HERC4: variants seen among roughly 807,000 people sequenced by gnomAD.
HERC4 encodes the protein HECT and RLD domain containing E3 ubiquitin protein ligase 4, also known as probable E3 ubiquitin-protein ligase HERC4.
In HERC4, 28 loss-of-function variants were observed where a neutral mutation model predicts 124.3. The ratio of observed to expected loss-of-function variants is 0.23; its 90% CI spans 0.17 to 0.31. The LOEUF (loss-of-function observed/expected upper bound fraction) is 0.31. Ranked by LOEUF, HERC4 falls within the 10% of genes least tolerant of loss-of-function variation. HERC4 has a pLI of 1.00. For synonymous variants in HERC4, 407 were observed against 421.5 expected, an observed-to-expected ratio of 0.97 and a Z score of 0.42; for missense variants, 713 against 1,229.3, an observed-to-expected ratio of 0.58 and a Z score of 6.28.
At chr10:68,026,598 C>T (rs1177970830) in intron 7 of HERC4, among the ~76,000 whole-genome samples, 1 of 151,706 alleles carries the variant, frequency 6.6e-6, no homozygotes, top group Non-Finnish European at 1.5e-5. Flanking sequence ...AATCCCAGCA[C>T]TTTGGGAGGC....
intron 16 of HERC4, among the ~76,000 whole-genome samples, chr10:67,961,640 T>C (rs770613500): frequency 2.6e-5 from 4 of 152,124 alleles, no homozygotes; most frequent in Non-Finnish European, 5.9e-5. Flanking sequence ...AAACTCACAA[T>C]TGGTATCAGA....
intron 8 of HERC4, among the ~76,000 whole-genome samples, chr10:68,015,880 A>G (rs950006726): frequency 6.6e-6 from 1 of 152,176 alleles, no homozygotes; most frequent in Admixed American, 6.5e-5. Flanking sequence ...AGGCAGGTGG[A>G]TCACTTGAGG....
At position 67,922,810 on chromosome 10, in the gene HERC4, T is replaced by C. The variant is rs117191521; in HGVS notation, c.*121A>G. The C allele has an allele frequency of 7.9e-3, 5,669 of 717,858 alleles. 36 individuals are homozygous for C. The highest frequency in any genetic ancestry group is 0.01 in the Non-Finnish European group (4,462 of 425,628). 44.5% of individuals were successfully genotyped at this position (717,858 alleles called of 1,614,324 possible). A position where few individuals can be genotyped will look rare whatever the true frequency, so the allele number is the denominator to read the frequency against. On this transcript the variant is annotated 3_prime_UTR_variant, in exon 25 of 25. Coordinates refer to ENST00000373700, the MANE Select transcript of HERC4 (RefSeq NM_015601.4). ...TTGGCTTCCATGAACACTCGTAGAT[T>C]GAACATTCTGCAAGTAAGAATTATA... is the stretch of plus-strand genomic sequence containing the variant.
Position 68,034,096 on chromosome 10 carries a change from T to C in HERC4, c.554A>G (p.Lys185Arg). Residue 185 changes from lysine to arginine, a missense_variant, in exon 6 of 25, where the codon AAG (lysine) becomes AGG (arginine). Lys to Arg is a conservative substitution (Grantham distance 26, BLOSUM62 2). Transcript: ENST00000373700. ...CATGAAAGGGATTCCAAGCAAAGAC[T>C]TAAGCAGCTGCGGTGAAGTTTGCTT... ...CKKQTSPQLLKSLLGIPFMQV... is the reference protein window; with the variant it reads ...CKKQTSPQLLRSLLGIPFMQV... 1.2e-6 allele frequency: 2 copies of C among 1,614,122 alleles called. No individual in the cohort carries two copies. The highest frequency in any genetic ancestry group is 1.7e-6 in the Non-Finnish European group (2 of 1,180,032).
chr10:67,984,621 T>C (rs2036152188), intron 15 of HERC4, among the ~76,000 whole-genome samples: 1 of 152,092 alleles, frequency 6.6e-6, no homozygotes, highest in Admixed American at 6.6e-5. Context: ...CTCACTCTGT[T>C]GCCCAGGCTG....
chr10:68,008,271 C>G (rs184683587), intron 9 of HERC4, among the ~76,000 whole-genome samples: 1 of 152,194 alleles, frequency 6.6e-6, no homozygotes, highest in African/African-American at 2.4e-5. Context: ...CTGGGTCTCA[C>G]CCAAAGCATG....
chr10:67,959,065 A>G (rs746427700), intron 16 of HERC4: 4 of 1,504,120 alleles, frequency 2.7e-6, no homozygotes, highest in Non-Finnish European at 3.6e-6. Flanking sequence ...TCAGGAGAAA[A>G]TGGAGTATAT....
At chr10:67,942,537 G>A (rs2033001649) in intron 19 of HERC4, among the ~76,000 whole-genome samples, 1 of 152,052 alleles carries the variant, frequency 6.6e-6, no homozygotes, top group Non-Finnish European at 1.5e-5. Context: ...TTGAGATGGA[G>A]TTTCACTCTT....
intron 15 of HERC4, among the ~76,000 whole-genome samples, chr10:67,980,588 T>C (rs1048832305): frequency 6.6e-6 from 1 of 152,096 alleles, no homozygotes; most frequent in African/African-American, 2.4e-5. Flanking sequence ...AACTCAATAG[T>C]ATACAGAAAA....
intron 23 of HERC4, 74 bp downstream of exon 23, chr10:67,932,520 AAAT>A (rs1332891989): frequency 7.7e-7 from 1 of 1,292,382 alleles, no homozygotes; most frequent in Non-Finnish European, 1.1e-6. Flanking sequence ...ATAAAATAAA[AAAT>A]AATACATAAA....
At chr10:68,029,842 G>A (rs867175361) in intron 7 of HERC4, among the ~76,000 whole-genome samples, 6 of 150,906 alleles carry the variant, frequency 4.0e-5, no homozygotes, top group Non-Finnish European at 7.4e-5. Context: ...AGGTTCAAGC[G>A]ATTCTCCTGC....
rs779623868 is a variant in HERC4 at position 68,051,691 on chromosome 10, C to CT, written c.227-7129dup. ...ACACTATTCTTTCAACTTTTCTTTT[C>CT]TTTTTTTTTTTTTTTTGAGACAGGA... On this transcript the variant is annotated intron_variant, in intron 3 of 24. Coordinates refer to ENST00000373700, the MANE Select transcript of HERC4 (RefSeq NM_015601.4). Among the ~76,000 whole-genome samples, 480 of 109,620 alleles carry CT rather than the reference C, an allele frequency of 4.4e-3. 4 individuals are homozygous for CT. Among genetic ancestry groups the CT allele is most frequent in the East Asian group, 0.015 (56 of 3,742 alleles). 71.9% of individuals were successfully genotyped at this position (109,620 alleles called of 152,430 possible). A position where few individuals can be genotyped will look rare whatever the true frequency, so the allele number is the denominator to read the frequency against.
intron 3 of HERC4, among the ~76,000 whole-genome samples, chr10:68,047,924 TTTTTG>T (rs887922421): frequency 2.0e-5 from 3 of 149,872 alleles, no homozygotes; most frequent in African/African-American, 7.4e-5. Context: ...GAATGTTTTG[TTTTTG>T]TTTTTTTTTT....
In HERC4 at chr10:67,976,754, T is replaced by G. The variant is rs1346047195; in HGVS notation, c.1807-9952A>C. ...TTCTGTGCACCGGGGAGAGAAAGAA[T>G]GCAGCAATTGTTAGGCATTGAGCTC... is the stretch of plus-strand genomic sequence containing the variant. On this transcript the variant is annotated intron_variant, in intron 15 of 24. Transcript: ENST00000373700. Among the ~76,000 whole-genome samples, 11 of 152,304 alleles carry G rather than the reference T, an allele frequency of 7.2e-5. No homozygotes were observed. The East Asian group carries it at 2.1e-3, about 29-fold the overall frequency.
At chr10:68,037,553 T>C (rs964980411) in intron 5 of HERC4, among the ~76,000 whole-genome samples, 2 of 152,176 alleles carry the variant, frequency 1.3e-5, no homozygotes, top group African/African-American at 2.4e-5. Context: ...TTTCTATGCA[T>C]AGAAAGTTCA....
Position 67,991,127 on chromosome 10 carries a change from A to G in HERC4, c.1331+13T>C. On this transcript the variant is annotated intron_variant, in intron 12 of 24. Coordinates refer to ENST00000373700, the MANE Select transcript of HERC4 (RefSeq NM_015601.4). ...ATTTGAAAATTTCAGCATATTAAAG[A>G]ATTGCCACTTACCTAACAGCTAAAA... The G allele has an allele frequency of 6.6e-7, 1 of 1,515,558 alleles. No individual in the cohort carries two copies. 93.9% of individuals were successfully genotyped at this position (1,515,558 alleles called of 1,614,324 possible).
At chr10:68,012,648 T>C (rs1564545931) in intron 9 of HERC4, among the ~76,000 whole-genome samples, 1 of 152,142 alleles carries the variant, frequency 6.6e-6, no homozygotes, top group Non-Finnish European at 1.5e-5. Flanking sequence ...CAGATCACCA[T>C]TACAGATATA....
intron 16 of HERC4, among the ~76,000 whole-genome samples, chr10:67,962,311 T>C (rs529282974): frequency 8.5e-5 from 13 of 152,206 alleles, no homozygotes; most frequent in Admixed American, 7.8e-4. Flanking sequence ...GGGAGATCGA[T>C]TTTCTCCTTA....
In HERC4 at chr10:68,038,026, A is replaced by G. The variant is rs1444349700; in HGVS notation, c.463+67T>C. 8.2e-6 allele frequency: 7 copies of G among 849,898 alleles called. No individual in the cohort carries two copies. The Admixed American group carries it at 1.6e-4, about 20-fold the overall frequency. 52.6% of individuals were successfully genotyped at this position (849,898 alleles called of 1,614,324 possible). On this transcript the variant is annotated intron_variant, in intron 5 of 24. Transcript: ENST00000373700. ...GAAAGATGAGCAAAGCTGGAGAACTATATGCACAATCAAAAAAGTATCAAG... is the reference window on the plus strand; with the variant it reads ...GAAAGATGAGCAAAGCTGGAGAACTGTATGCACAATCAAAAAAGTATCAAG...
Sources: allele counts gnomAD v4.1 joint callset (sites outside exome capture counted in the v4.1 genomes callset), GRCh38; gene constraint gnomAD v4.1.1; transcripts MANE v1.5; gene names NCBI Gene and HGNC (gene_info 2026-07-23, HGNC 2026-07-21).